Variants in RPS6KA3 observed in about 807,000 individuals in gnomAD.
RPS6KA3 encodes ribosomal protein S6 kinase A3, also known as ribosomal protein S6 kinase alpha-3.
A neutral mutation model predicts 67.2 loss-of-function variants in RPS6KA3; 4 were observed. The observed-to-expected ratio is 0.06, with a 90% confidence interval of 0.03 to 0.14. The LOEUF is 0.14. RPS6KA3 is among the 10% of genes least tolerant of loss of function. The pLI is 1.00. For missense variants in RPS6KA3, 204 were observed against 559.0 expected (o/e 0.36, Z 6.40); for synonymous variants, 182 against 183.7 (o/e 0.99, Z 0.07).
intron 20 of RPS6KA3, among the ~76,000 whole-genome samples, chrX:20,156,754 T>C (rs2067196284): frequency 9.0e-6 from 1 of 111,087 alleles, no homozygotes; most frequent in African/African-American, 3.3e-5. Flanking sequence ...CAGGCTGGTC[T>C]CCACCTCCTG....
intron 2 of RPS6KA3, among the ~76,000 whole-genome samples, chrX:20,228,040 C>G (rs759106728): frequency 8.9e-6 from 1 of 111,765 alleles, no homozygotes; most frequent in South Asian, 3.7e-4. Flanking sequence ...CAAAACATTC[C>G]TATTATATTT....
intron 7 of RPS6KA3, among the ~76,000 whole-genome samples, chrX:20,191,557 G>T (rs954207072): frequency 9.0e-6 from 1 of 111,079 alleles, no homozygotes; most frequent in Admixed American, 9.6e-5. Flanking sequence ...TTTAATGATC[G>T]CCATTCTAAC....
At chrX:20,222,001 T>C (rs1429117486) in intron 2 of RPS6KA3, among the ~76,000 whole-genome samples, 2 of 112,808 alleles carry the variant, frequency 1.8e-5, no homozygotes, top group African/African-American at 6.4e-5. Context: ...TCTGCCCATG[T>C]CCATCTCTGT....
In RPS6KA3 at chrX:20,152,149, C is replaced by T. The variant is rs752326953; in HGVS notation, c.*3249G>A. Reference sequence around the variant, plus strand: ...CTTTTCACACACACAAGCTTCATAGCATCTCAACTTTGGGCCTTGTCAAAA... The same window carrying T: ...CTTTTCACACACACAAGCTTCATAGTATCTCAACTTTGGGCCTTGTCAAAA... On this transcript the variant is annotated 3_prime_UTR_variant, in exon 22 of 22. Transcript: ENST00000379565. The T allele has an allele frequency of 8.9e-6, 1 of 112,493 alleles. No homozygotes were observed. Among genetic ancestry groups the T allele is most frequent in the South Asian group, 3.7e-4 (1 of 2,709 alleles). 9.3% of individuals were successfully genotyped at this position (112,493 alleles called of 1,213,427 possible).
chrX:20,160,826 T>C (rs1395497145), intron 20 of RPS6KA3, among the ~76,000 whole-genome samples: 3 of 112,356 alleles, frequency 2.7e-5, no homozygotes, highest in Non-Finnish European at 3.8e-5. Flanking sequence ...ACAGAATCTA[T>C]ATACACTTTT....
Position 20,155,326 on chromosome X carries a change from T to C in RPS6KA3, c.*72A>G. ...TGTGTGCTTGCAGGTGTCTCTCAGA[T>C]ACGTGCTACCTGTCGCCAGAACTTG... On this transcript the variant is annotated 3_prime_UTR_variant, in exon 22 of 22. Transcript: ENST00000379565. The C allele has an allele frequency of 8.7e-7, 1 of 1,146,249 alleles. No individual in the cohort carries two copies. Among genetic ancestry groups the C allele is most frequent in the African/African-American group, 1.8e-5 (1 of 56,469 alleles). The allele number at this position is 1,146,249 out of a possible 1,213,427, so 94.5% of individuals were successfully genotyped here.
intron 1 of RPS6KA3, among the ~76,000 whole-genome samples, chrX:20,246,109 C>T (rs758847145): frequency 1.1e-5 from 1 of 94,297 alleles, no homozygotes; most frequent in Non-Finnish European, 2.1e-5. Flanking sequence ...TGGCATGACT[C>T]CATCTCGGAA....
chrX:20,259,900 A>C (rs985712046), intron 1 of RPS6KA3, among the ~76,000 whole-genome samples: 1 of 111,286 alleles, frequency 9.0e-6, no homozygotes, highest in African/African-American at 3.3e-5. Context: ...TTTTAACATC[A>C]TATCTCCAGA....
chrX:20,234,884 G>GAA, intron 1 of RPS6KA3, 70 bp from the exon 2 acceptor site: 2 of 729,182 alleles, frequency 2.7e-6, no homozygotes, highest in Admixed American at 6.3e-5. Flanking sequence ...AATGAAGGCA[G>GAA]ACAAAAAAAA....
At position 20,204,451 on chromosome X, in the gene RPS6KA3, T is replaced by G. The variant is rs897447078; in HGVS notation, c.244-348A>C. Among the ~76,000 whole-genome samples the G allele has an allele frequency of 3.6e-5, 4 of 112,489 alleles. No individual in the cohort carries two copies. In the South Asian group the frequency reaches 1.5e-3, roughly 41 times the overall value. ...ACACAGGTGGTATGATGTCCTGCTT[T>G]TAACAAAACAGAATTCTACTGAGCC... On this transcript the variant is annotated intron_variant, in intron 3 of 21. Coordinates refer to ENST00000379565, the MANE Select transcript of RPS6KA3 (RefSeq NM_004586.3).
In RPS6KA3 at chrX:20,156,106, C is replaced by G. The variant is rs1395033271; in HGVS notation, c.2100+3G>C. The G allele has an allele frequency of 8.3e-7, 1 of 1,210,812 alleles. No homozygotes were observed. The highest frequency in any genetic ancestry group is 1.1e-6 in the Non-Finnish European group (1 of 895,145). The stretch of plus-strand genomic sequence containing the variant: ...AAAACAGTGACTGTATGGGGCTGCT[C>G]ACCTTTACTAGATGTGGTGCATCCT... On this transcript the variant is annotated splice_donor_region_variant and intron_variant, in intron 21 of 21. Transcript: ENST00000379565.
chrX:20,209,229 T>C (rs2068647333), intron 3 of RPS6KA3, 59 bp downstream of exon 3: 2 of 639,365 alleles, frequency 3.1e-6, no homozygotes, highest in Admixed American at 4.4e-5. Flanking sequence ...TCCTCATGTA[T>C]ATGAAATACA....
At chrX:20,222,263 A>G (rs1313075969) in intron 2 of RPS6KA3, among the ~76,000 whole-genome samples, 1 of 112,042 alleles carries the variant, frequency 8.9e-6, no homozygotes, top group Admixed American at 9.4e-5. Context: ...TGCAATGAAC[A>G]TCAAGGAAAG....
chrX:20,211,249 T>C (rs2068706177), intron 2 of RPS6KA3, among the ~76,000 whole-genome samples: 1 of 111,589 alleles, frequency 9.0e-6, no homozygotes, highest in African/African-American at 3.3e-5. Flanking sequence ...TACTCTCCCA[T>C]TTACCACTAG....
At chrX:20,236,158 T>C (rs2069405959) in intron 1 of RPS6KA3, among the ~76,000 whole-genome samples, 1 of 111,610 alleles carries the variant, frequency 9.0e-6, no homozygotes, top group African/African-American at 3.3e-5. Context: ...TACACCAAAA[T>C]GTTAACAGTG....
intron 16 of RPS6KA3, among the ~76,000 whole-genome samples, chrX:20,168,751 A>T (rs2067501171): frequency 8.9e-6 from 1 of 112,691 alleles, no homozygotes; most frequent in African/African-American, 3.2e-5. Flanking sequence ...AGAAAAAAAT[A>T]ACTGTACAAA....
intron 2 of RPS6KA3, among the ~76,000 whole-genome samples, chrX:20,217,924 C>T (rs764736528): frequency 8.9e-6 from 1 of 112,190 alleles, no homozygotes; most frequent in African/African-American, 3.2e-5. Context: ...CAATTTACTT[C>T]ATTTGCTGAT....
chrX:20,173,272 T>C (rs571990613), intron 14 of RPS6KA3, among the ~76,000 whole-genome samples: 7 of 112,204 alleles, frequency 6.2e-5, no homozygotes, highest in Middle Eastern at 4.6e-3. Context: ...GATTCAGAAT[T>C]AGAATATCTG....
chrX:20,187,750 C>T, intron 9 of RPS6KA3, 78 bp downstream of exon 9: 1 of 828,572 alleles, frequency 1.2e-6, no homozygotes, highest in Non-Finnish European at 1.8e-6. Flanking sequence ...ATAAAAACAC[C>T]AGTTTCTTTA....
Sources: gnomAD v4.1 joint callset for allele counts (sites outside exome capture counted in the v4.1 genomes callset) on GRCh38, gnomAD v4.1.1 for gene constraint, MANE v1.5 for transcripts, NCBI Gene and HGNC (gene_info 2026-07-23, HGNC 2026-07-21) for gene names.